Variants in MBP observed in about 807,000 individuals in gnomAD.
The protein encoded by MBP is myelin basic protein, also known as Golli-MBP.
MBP carries 16 observed loss-of-function variants against 35.8 expected under a neutral mutation model. That is an observed-to-expected ratio of 0.45 (90% CI 0.30 to 0.68). MBP has a LOEUF of 0.68. Among genes scored for constraint, MBP ranks in the 30% least tolerant of loss-of-function variants. The pLI, the probability that MBP is intolerant of heterozygous loss-of-function variation, is 0.08. For synonymous variants in MBP, 143 were observed against 159.6 expected (o/e 0.90, Z 0.78); for missense variants, 380 against 404.7 (o/e 0.94, Z 0.52).
Position 77,101,979 on chromosome 18 carries a change from C to T in MBP, c.51+3232G>A, listed in dbSNP as rs1326417699. On this transcript the variant is annotated intron_variant, in intron 2 of 8. Coordinates refer to ENST00000355994, the MANE Select transcript of MBP (RefSeq NM_001025101.2). This position sits in a 1 kb window ranked among gnomAD's most constrained non-coding sequence, Gnocchi z 4.3. ...AGTTATGTGCTGGGGATGCTCCAGG[C>T]TTAGAGACGGAGGCATCAGAGAGAG... Among the ~76,000 whole-genome samples the T allele has an allele frequency of 1.3e-5, 2 of 152,202 alleles. No individual in the cohort carries two copies. Among genetic ancestry groups the T allele is most frequent in the African/African-American group, 4.8e-5 (2 of 41,446 alleles).
intron 2 of MBP, among the ~76,000 whole-genome samples, chr18:77,073,822 T>C (rs549390343): frequency 7.9e-5 from 12 of 152,362 alleles, no homozygotes; most frequent in Non-Finnish European, 7.3e-5. Context: ...GCCAGCTCGA[T>C]GGGTGTATTC....
intron 4 of MBP, chr18:77,009,882 G>A: frequency 6.3e-7 from 1 of 1,595,330 alleles, no homozygotes; most frequent in South Asian, 1.1e-5. Context: ...GCTGGCTGCG[G>A]GCATGAGAGG....
intron 2 of MBP, among the ~76,000 whole-genome samples, chr18:77,097,825 C>A (rs986147864): frequency 6.6e-6 from 1 of 152,106 alleles, no homozygotes; most frequent in African/African-American, 2.4e-5. Context: ...TGGGTGGAGC[C>A]GGTATTAGGG....
intron 2 of MBP, chr18:77,066,693 G>A (rs917630202): frequency 2.2e-5 from 13 of 582,340 alleles, no homozygotes; most frequent in African/African-American, 3.7e-5. Context: ...TTATTCCAAG[G>A]GTGAGCCCAC....
intron 1 of MBP, among the ~76,000 whole-genome samples, chr18:77,118,142 C>T (rs1194293622): frequency 2.2e-5 from 1 of 45,438 alleles, no homozygotes; most frequent in African/African-American, 8.9e-5. Context: ...GGATGGGGGA[C>T]AGTGGGTTGG....
intron 2 of MBP, among the ~76,000 whole-genome samples, chr18:77,077,615 A>C (rs1161584844): frequency 2.0e-5 from 3 of 152,100 alleles, no homozygotes; most frequent in Admixed American, 6.5e-5. Context: ...TGAGGGATTT[A>C]AGTCCGTGAC....
intron 3 of MBP, 53 bp from the exon 4 acceptor site, chr18:77,017,321 A>G: frequency 1.4e-6 from 2 of 1,454,180 alleles, no homozygotes. Flanking sequence ...TGAGCACCGG[A>G]CAAAGCAGCT....
intron 1 of MBP, among the ~76,000 whole-genome samples, chr18:77,120,059 A>G (rs1053154434): frequency 1.3e-5 from 2 of 151,656 alleles, no homozygotes; most frequent in African/African-American, 4.8e-5. Context: ...ACAGAGCAGG[A>G]CCTGCAATTT....
rs564982927 is a variant in MBP at position 77,080,576 on chromosome 18, C to A, written c.52-14191G>T. ...GGGCAAATCACACCTCATTAACGGCCCTTGGTCTAGACACAGGAGTACTAG... is the reference window on the plus strand; with the variant it reads ...GGGCAAATCACACCTCATTAACGGCACTTGGTCTAGACACAGGAGTACTAG... On this transcript the variant is annotated intron_variant, in intron 2 of 8. Transcript: ENST00000355994. Among the ~76,000 whole-genome samples, 4 of 152,334 alleles carry A rather than the reference C, an allele frequency of 2.6e-5. No homozygotes were observed. In the South Asian group the frequency reaches 8.3e-4, roughly 32 times the overall value.
intron 2 of MBP, among the ~76,000 whole-genome samples, chr18:77,100,535 G>C (rs1259806455): frequency 6.6e-5 from 7 of 106,658 alleles, no homozygotes; most frequent in Admixed American, 3.4e-4. Flanking sequence ...GTGTGTGTGT[G>C]TGTGTGTGTG....
At chr18:77,056,841 C>T (rs1054647501) in intron 3 of MBP, among the ~76,000 whole-genome samples, 3 of 152,200 alleles carry the variant, frequency 2.0e-5, no homozygotes, top group African/African-American at 7.2e-5. Context: ...TCCTAACTAC[C>T]AAATGACATG....
At position 77,101,004 on chromosome 18, in the gene MBP, G is replaced by T. The variant is rs535097004; in HGVS notation, c.51+4207C>A. Among the ~76,000 whole-genome samples the T allele has an allele frequency of 6.6e-6, 1 of 152,326 alleles. No individual in the cohort carries two copies. Among genetic ancestry groups the T allele is most frequent in the African/African-American group, 2.4e-5 (1 of 41,576 alleles). On this transcript the variant is annotated intron_variant, in intron 2 of 8. Transcript: ENST00000355994. The surrounding 1 kb of genome is among the most constrained non-coding windows in gnomAD (Gnocchi z 4.3). Reference sequence around the variant, plus strand: ...CACAAGCAGCCTGGCACATGGGCACGTTCTGAGCGCTTGCTGACCCTCCCA... The same window carrying T: ...CACAAGCAGCCTGGCACATGGGCACTTTCTGAGCGCTTGCTGACCCTCCCA...
intron 3 of MBP, among the ~76,000 whole-genome samples, chr18:77,041,156 A>G (rs1165299315): frequency 2.0e-5 from 3 of 152,264 alleles, no homozygotes; most frequent in African/African-American, 7.2e-5. Context: ...ACATTTATGC[A>G]GCCAAGAGAC....
In MBP at chr18:77,014,162, C is replaced by T. The variant is rs7964; in HGVS notation, c.576+2670G>A. ...CATTTACGGCTCTCAAAAGAATATG[C>T]CTTCTCAAGGAATTTTTAATGCACT... On this transcript the variant is annotated intron_variant, in intron 4 of 8. Coordinates refer to ENST00000355994, the MANE Select transcript of MBP (RefSeq NM_001025101.2). The T allele has an allele frequency of 1.0e-3, 1,029 of 985,414 alleles. 7 individuals are homozygous for T. The African/African-American group carries it at 0.016, about 16-fold the overall frequency. The allele number at this position is 985,414 out of a possible 1,614,324, so 61.0% of individuals were successfully genotyped here.
chr18:77,061,510 G>T (rs969518760), intron 3 of MBP, among the ~76,000 whole-genome samples: 1 of 152,160 alleles, frequency 6.6e-6, no homozygotes, highest in Non-Finnish European at 1.5e-5. Flanking sequence ...ACAAACAGAG[G>T]AGTTCATTGC....
At position 76,988,412 on chromosome 18, in the gene MBP, G is replaced by T. The variant is rs777630194; in HGVS notation, c.750+83C>A. The T allele has an allele frequency of 6.2e-7, 1 of 1,614,110 alleles. No individual in the cohort carries two copies. On this transcript the variant is annotated intron_variant, in intron 7 of 8. Transcript: ENST00000355994. The surrounding 1 kb of genome is among the most constrained non-coding windows in gnomAD (Gnocchi z 5.2). ...GAGAAAAGGAGGCCAGGAAGCAACC[G>T]AAACAGAGCAGAACACAAAAGTTGC...
At chr18:76,990,690 T>G (rs1041905615) in intron 4 of MBP, 3 of 165,438 alleles carry the variant, frequency 1.8e-5, no homozygotes, top group Non-Finnish European at 3.9e-5. Context: ...CCTTTTAAAC[T>G]TTGTCTATGC....
intron 3 of MBP, among the ~76,000 whole-genome samples, chr18:77,018,410 CCCACCCA>C (rs1971778128): frequency 1.2e-5 from 1 of 85,454 alleles, no homozygotes; most frequent in East Asian, 4.1e-4. Flanking sequence ...CATCCATCCA[CCCACCCA>C]CCATCTATCC....
intron 4 of MBP, chr18:77,014,023 T>C (rs1971490854): frequency 1.0e-6 from 1 of 985,452 alleles, no homozygotes. Flanking sequence ...TGCTCACCCA[T>C]TCCTCATGTG....
Sources: allele counts gnomAD v4.1 joint callset (sites outside exome capture counted in the v4.1 genomes callset), GRCh38; gene constraint gnomAD v4.1.1; non-coding constraint Gnocchi (gnomAD v3.1); transcripts MANE v1.5; gene names NCBI Gene and HGNC (gene_info 2026-07-23, HGNC 2026-07-21).